PBX3: variants seen among roughly 807,000 people sequenced by gnomAD.
The protein encoded by PBX3 is pre-B-cell leukemia transcription factor 3.
In PBX3, 14 loss-of-function variants were observed where a neutral mutation model predicts 48.5. That is an observed-to-expected ratio of 0.29 (90% confidence interval 0.19 to 0.45). The LOEUF (loss-of-function observed/expected upper bound fraction) is 0.45, where lower values mean the gene tolerates loss of function less well. Among genes scored for constraint, PBX3 ranks in the 20% least tolerant of loss-of-function variants. The pLI is 1.00. For missense variants in PBX3, 386 were observed against 546.7 expected (o/e 0.71, Z 2.93); for synonymous variants, 210 against 200.3 (o/e 1.05, Z -0.41).
intron 2 of PBX3, among the ~76,000 whole-genome samples, chr9:125,781,276 G>T (rs962371325): frequency 9.2e-5 from 14 of 151,662 alleles, no homozygotes; most frequent in Non-Finnish European, 1.9e-4. Context: ...CCGGCACCTC[G>T]GGAGGCCAAG....
chr9:125,924,619 C>T (rs1185347840), intron 3 of PBX3, among the ~76,000 whole-genome samples: 4 of 152,018 alleles, frequency 2.6e-5, no homozygotes, highest in East Asian at 3.9e-4. Flanking sequence ...TAACATCATG[C>T]GTTGATAATT....
At chr9:125,891,252 A>G (rs773540508) in intron 2 of PBX3, among the ~76,000 whole-genome samples, 2 of 152,222 alleles carry the variant, frequency 1.3e-5, no homozygotes, top group Non-Finnish European at 2.9e-5. Context: ...CATATAATAC[A>G]TATTTTAGAA....
intron 2 of PBX3, among the ~76,000 whole-genome samples, chr9:125,785,583 A>G (rs1837437059): frequency 6.6e-6 from 1 of 152,154 alleles, no homozygotes; most frequent in African/African-American, 2.4e-5. Flanking sequence ...TTTGACTTGG[A>G]CTAAGCCACT....
intron 5 of PBX3, among the ~76,000 whole-genome samples, chr9:125,953,960 C>T (rs1842248828): frequency 6.6e-6 from 1 of 152,196 alleles, no homozygotes; most frequent in Non-Finnish European, 1.5e-5. Flanking sequence ...TTTCACTGGC[C>T]AGCTTTCCTT....
At chr9:125,943,350 C>T (rs1227641950) in intron 5 of PBX3, among the ~76,000 whole-genome samples, 2 of 47,984 alleles carry the variant, frequency 4.2e-5, no homozygotes, top group African/African-American at 6.7e-5. Flanking sequence ...GTGAGACTGT[C>T]TCAAAAAAAA....
chr9:125,843,306 A>T (rs1002849573), intron 2 of PBX3, among the ~76,000 whole-genome samples: 31 of 152,108 alleles, frequency 2.0e-4, no homozygotes, highest in South Asian at 6.2e-4. Flanking sequence ...ATTTTACTTA[A>T]ATGTGAGTAT....
At chr9:125,750,595 A>G (rs908602616) in intron 2 of PBX3, among the ~76,000 whole-genome samples, 1 of 152,200 alleles carries the variant, frequency 6.6e-6, no homozygotes, top group Non-Finnish European at 1.5e-5. Flanking sequence ...CTATTTAAAA[A>G]CCAAGAGGCA....
intron 2 of PBX3, among the ~76,000 whole-genome samples, chr9:125,892,174 AG>A (rs1332918177): frequency 1.3e-5 from 2 of 152,050 alleles, no homozygotes; most frequent in Non-Finnish European, 2.9e-5. Flanking sequence ...TTGCCCACCA[AG>A]GCCTCCCAAA....
intron 2 of PBX3, among the ~76,000 whole-genome samples, chr9:125,800,775 C>G (rs1199070585): frequency 7.7e-6 from 1 of 129,490 alleles, no homozygotes; most frequent in African/African-American, 2.9e-5. Context: ...TTTTTTGAGA[C>G]AGAGTTTCCT....
intron 5 of PBX3, among the ~76,000 whole-genome samples, chr9:125,951,026 A>G (rs1052972790): frequency 1.3e-5 from 2 of 152,230 alleles, no homozygotes; most frequent in African/African-American, 4.8e-5. Flanking sequence ...CGGGCTTTGT[A>G]ACCTTAGGCA....
intron 2 of PBX3, among the ~76,000 whole-genome samples, chr9:125,903,227 G>C (rs1327653333): frequency 6.6e-6 from 1 of 151,764 alleles, no homozygotes; most frequent in Non-Finnish European, 1.5e-5. Context: ...AGGACTACTA[G>C]TTGATACTAA....
intron 2 of PBX3, among the ~76,000 whole-genome samples, chr9:125,843,544 A>G (rs1260799635): frequency 6.6e-6 from 1 of 152,170 alleles, no homozygotes; most frequent in East Asian, 1.9e-4. Flanking sequence ...GGCTGGATGC[A>G]CATTATCTTT....
rs142443633 is a variant in PBX3 at position 125,807,697 on chromosome 9, GT to G, written c.274+59084del. The stretch of plus-strand genomic sequence containing the variant: ...TCTAGATTATTATTGTTAGAAACAT[GT>G]TTTTTTTTTATTGTAGGTACATGAT... On this transcript the variant is annotated intron_variant, in intron 2 of 8. Transcript: ENST00000373489. Among the ~76,000 whole-genome samples, 7 of 148,612 alleles carry G rather than the reference GT, an allele frequency of 4.7e-5. No individual in the cohort carries two copies. In the South Asian group the frequency reaches 6.4e-4, roughly 13 times the overall value.
chr9:125,913,346 T>A (rs1237495147), intron 2 of PBX3, among the ~76,000 whole-genome samples: 1 of 152,164 alleles, frequency 6.6e-6, no homozygotes, highest in African/African-American at 2.4e-5. Context: ...AGAAATAAGA[T>A]ATTTTTTCAT....
At chr9:125,845,569 A>G (rs1421255532) in intron 2 of PBX3, among the ~76,000 whole-genome samples, 1 of 152,092 alleles carries the variant, frequency 6.6e-6, no homozygotes, top group Non-Finnish European at 1.5e-5. Flanking sequence ...CCTGCCCTAC[A>G]AGGGTCAGCA....
rs200138084 is a variant in PBX3 at position 125,843,409 on chromosome 9, T to TC, written c.275-72276dup. Among the ~76,000 whole-genome samples, 275 of 152,272 alleles carry TC rather than the reference T, an allele frequency of 1.8e-3. 1 individual carries two copies. Among genetic ancestry groups the TC allele is most frequent in the African/African-American group, 6.1e-3 (255 of 41,566 alleles). Reference sequence around the variant, plus strand: ...TTATATAATTTGGGGCCTGGTATGGTCATATGGGGTATACGGAGAATTTTT... The same window carrying TC: ...TTATATAATTTGGGGCCTGGTATGGTCCATATGGGGTATACGGAGAATTTTT... On this transcript the variant is annotated intron_variant, in intron 2 of 8. Coordinates refer to ENST00000373489, the MANE Select transcript of PBX3 (RefSeq NM_006195.6).
At chr9:125,766,597 T>C (rs952758047) in intron 2 of PBX3, among the ~76,000 whole-genome samples, 2 of 152,164 alleles carry the variant, frequency 1.3e-5, no homozygotes, top group Non-Finnish European at 2.9e-5. Flanking sequence ...ACATTTGTTT[T>C]AGTACATTAT....
chr9:125,872,112 T>A (rs1840138407), intron 2 of PBX3, among the ~76,000 whole-genome samples: 1 of 151,700 alleles, frequency 6.6e-6, no homozygotes. Context: ...AAAAATGAAA[T>A]GGTAGGGGCA....
At chr9:125,955,112 C>G (rs1447517996) in intron 5 of PBX3, among the ~76,000 whole-genome samples, 2 of 152,076 alleles carry the variant, frequency 1.3e-5, no homozygotes, top group African/African-American at 4.8e-5. Flanking sequence ...ACCAATGACC[C>G]TGGACAGGCA....
Sources: gnomAD v4.1 joint callset for allele counts (sites outside exome capture counted in the v4.1 genomes callset) on GRCh38, gnomAD v4.1.1 for gene constraint, MANE v1.5 for transcripts, NCBI Gene and HGNC (gene_info 2026-07-23, HGNC 2026-07-21) for gene names.